Variants in VMP1 observed in about 807,000 individuals in gnomAD.
VMP1 encodes ectopic P-granules autophagy protein 3 homolog.
A neutral mutation model predicts 56.0 loss-of-function variants in VMP1; 11 were observed. That is an observed-to-expected ratio of 0.20 (90% confidence interval 0.12 to 0.32). The LOEUF (loss-of-function observed/expected upper bound fraction) is 0.32, where lower values mean the gene tolerates loss of function less well. Ranked by LOEUF, VMP1 falls within the 10% of genes least tolerant of loss-of-function variation. The pLI is 1.00. For synonymous variants in VMP1, 149 were observed against 165.0 expected, an observed-to-expected ratio of 0.90 and a Z score of 0.74; for missense variants, 296 against 490.3, an observed-to-expected ratio of 0.60 and a Z score of 3.74.
At chr17:59,733,116 C>T (rs1360040606) in intron 2 of VMP1, among the ~76,000 whole-genome samples, 1 of 152,076 alleles carries the variant, frequency 6.6e-6, no homozygotes, top group African/African-American at 2.4e-5. Context: ...CGATTTAGCC[C>T]ACAAGGCTGC....
At chr17:59,743,561 T>C (rs1185191236) in intron 5 of VMP1, among the ~76,000 whole-genome samples, 2 of 139,026 alleles carry the variant, frequency 1.4e-5, no homozygotes, top group East Asian at 3.9e-4. Flanking sequence ...AAAAAACTGC[T>C]CTCTCTCTCT....
At chr17:59,720,428 C>G (rs2034345635) in intron 1 of VMP1, among the ~76,000 whole-genome samples, 1 of 152,060 alleles carries the variant, frequency 6.6e-6, no homozygotes, top group Non-Finnish European at 1.5e-5. Flanking sequence ...TGTTCTAAAT[C>G]TGTGGCTACT....
intron 5 of VMP1, among the ~76,000 whole-genome samples, chr17:59,760,234 A>G (rs2036001322): frequency 6.6e-6 from 1 of 152,172 alleles, no homozygotes; most frequent in Non-Finnish European, 1.5e-5. Context: ...ATAAAATATA[A>G]CAACCTTATA....
At chr17:59,740,119 AG>A (rs1304689988) in intron 5 of VMP1, among the ~76,000 whole-genome samples, 14 of 152,096 alleles carry the variant, frequency 9.2e-5, no homozygotes, top group Non-Finnish European at 1.6e-4. Context: ...GAGAGAATGA[AG>A]ATCAATTTTC....
At chr17:59,753,269 C>A (rs891647412) in intron 5 of VMP1, among the ~76,000 whole-genome samples, 4 of 150,158 alleles carry the variant, frequency 2.7e-5, no homozygotes, top group Non-Finnish European at 5.9e-5. Flanking sequence ...GAGACCCTGT[C>A]TCAAGAAAAA....
intron 5 of VMP1, among the ~76,000 whole-genome samples, chr17:59,762,843 G>A (rs1196544665): frequency 8.6e-5 from 13 of 151,182 alleles, no homozygotes. Context: ...AAACTATAAA[G>A]AACTTTTATT....
rs1362066891 is a variant in VMP1 at position 59,767,760 on chromosome 17, A to G, written c.582+2622A>G. On this transcript the variant is annotated intron_variant, in intron 6 of 11. Coordinates refer to ENST00000262291, the MANE Select transcript of VMP1 (RefSeq NM_030938.5). ...GCTGGTATGGTGGCTTTCTTCCCCA[A>G]ATAATATTTAGGATCCTAAAAAATA... Among the ~76,000 whole-genome samples, 3 of 152,124 alleles carry G rather than the reference A, an allele frequency of 2.0e-5. No homozygotes were observed. In the East Asian group the frequency reaches 5.8e-4, roughly 29 times the overall value.
At chr17:59,805,198 C>T in intron 7 of VMP1, among the ~76,000 whole-genome samples, 1 of 152,148 alleles carries the variant, frequency 6.6e-6, no homozygotes. Context: ...ATTGTTGAAG[C>T]TCCCTTAAGG....
intron 10 of VMP1, among the ~76,000 whole-genome samples, chr17:59,823,340 A>G (rs1002916266): frequency 6.6e-6 from 1 of 151,380 alleles, no homozygotes; most frequent in Non-Finnish European, 1.5e-5. Flanking sequence ...AATCTCAGCT[A>G]TTTGGGAGGC....
chr17:59,725,154 C>A (rs796252088), intron 1 of VMP1, among the ~76,000 whole-genome samples: 17 of 151,994 alleles, frequency 1.1e-4, no homozygotes, highest in African/African-American at 4.1e-4. Flanking sequence ...GAGACTGTCT[C>A]AAAATAATAA....
In VMP1 at chr17:59,763,566, C is replaced by T. The variant is rs535197025; in HGVS notation, c.415-1405C>T. On this transcript the variant is annotated intron_variant, in intron 5 of 11. Coordinates refer to ENST00000262291, the MANE Select transcript of VMP1 (RefSeq NM_030938.5). ...TAGGTATTATTTTAACAGAAAATGC[C>T]GATTCTATTTAGAGATAAATATCAC... Among the ~76,000 whole-genome samples, 12 of 151,982 alleles carry T rather than the reference C, an allele frequency of 7.9e-5. No individual in the cohort carries two copies. In the South Asian group the frequency reaches 2.1e-3, roughly 26 times the overall value.
intron 5 of VMP1, among the ~76,000 whole-genome samples, chr17:59,755,251 G>A (rs1212364518): frequency 1.3e-5 from 2 of 151,932 alleles, no homozygotes; most frequent in East Asian, 3.9e-4. Flanking sequence ...GGGACTACAA[G>A]CATGCGCCAC....
chr17:59,802,686 C>G (rs1272948335), intron 7 of VMP1, among the ~76,000 whole-genome samples: 3 of 152,156 alleles, frequency 2.0e-5, no homozygotes, highest in Non-Finnish European at 4.4e-5. Flanking sequence ...TTGCCTAGGC[C>G]TCCTGAGTAG....
intron 5 of VMP1, among the ~76,000 whole-genome samples, chr17:59,762,243 C>T (rs16943838): frequency 0.19 from 28,977 of 152,090 alleles, 3,376 homozygotes; most frequent in East Asian, 0.44. Flanking sequence ...GAGTTGGAAC[C>T]TGCTGCTCAG....
intron 5 of VMP1, among the ~76,000 whole-genome samples, chr17:59,741,125 G>A (rs888792080): frequency 2.0e-5 from 3 of 152,156 alleles, no homozygotes; most frequent in Admixed American, 6.5e-5. Context: ...GAGCCCAGGA[G>A]ATAGGGGCTG....
chr17:59,755,740 T>C (rs2035815432), intron 5 of VMP1, among the ~76,000 whole-genome samples: 1 of 141,174 alleles, frequency 7.1e-6, no homozygotes, highest in Non-Finnish European at 1.5e-5. Context: ...TTTTGGTTTT[T>C]GGTTTTTTTT....
intron 5 of VMP1, among the ~76,000 whole-genome samples, chr17:59,760,257 A>G (rs2036002313): frequency 6.6e-6 from 1 of 151,952 alleles, no homozygotes; most frequent in Admixed American, 6.6e-5. Context: ...AGTGTTCTTC[A>G]TTTCCTCCTC....
chr17:59,742,678 TA>T (rs1230923147), intron 5 of VMP1, among the ~76,000 whole-genome samples: 1 of 151,920 alleles, frequency 6.6e-6, no homozygotes, highest in Non-Finnish European at 1.5e-5. Flanking sequence ...CCTGGCCTGT[TA>T]GGAACCAGGC....
chr17:59,720,031 A>G (rs1368459268), intron 1 of VMP1, among the ~76,000 whole-genome samples: 2 of 152,202 alleles, frequency 1.3e-5, no homozygotes, highest in East Asian at 3.8e-4. Context: ...GATTTGTTTC[A>G]GCAACCTCAT....
Sources: allele counts gnomAD v4.1 joint callset (sites outside exome capture counted in the v4.1 genomes callset), GRCh38; gene constraint gnomAD v4.1.1; transcripts MANE v1.5; gene names NCBI Gene and HGNC (gene_info 2026-07-23, HGNC 2026-07-21).